NTN1: variants seen among roughly 807,000 people sequenced by gnomAD.
NTN1 encodes the protein netrin-1.
NTN1 carries 11 observed loss-of-function variants against 54.2 expected under a neutral mutation model. That is an observed-to-expected ratio of 0.20 (90% CI 0.13 to 0.34). The LOEUF is 0.34. NTN1 is among the 10% of genes least tolerant of loss of function. NTN1 has a pLI of 1.00. For synonymous variants in NTN1, 371 were observed against 382.0 expected, an observed-to-expected ratio of 0.97 and a Z score of 0.33; for missense variants, 740 against 893.1, an observed-to-expected ratio of 0.83 and a Z score of 2.18.
At chr17:9,153,442 CTG>C (rs1222148284) in intron 2 of NTN1, among the ~76,000 whole-genome samples, 2 of 152,146 alleles carry the variant, frequency 1.3e-5, no homozygotes, top group African/African-American at 2.4e-5. Context: ...GAACAAGACT[CTG>C]TCTCAAAATA....
intron 5 of NTN1, among the ~76,000 whole-genome samples, chr17:9,213,410 C>T (rs1905153446): frequency 6.6e-6 from 1 of 152,208 alleles, no homozygotes; most frequent in South Asian, 2.1e-4. Context: ...GAGAGCAGGG[C>T]AGCAGGGCGT....
chr17:9,050,913 C>T (rs901429131), intron 2 of NTN1, among the ~76,000 whole-genome samples: 4 of 152,170 alleles, frequency 2.6e-5, no homozygotes, highest in Non-Finnish European at 5.9e-5. Flanking sequence ...ATATTTTCTC[C>T]ATGAGTCAGC....
chr17:9,153,050 T>C lies in NTN1; in HGVS notation c.1019-9763T>C, dbSNP rs137936711. On this transcript the variant is annotated intron_variant, in intron 2 of 6. Transcript: ENST00000173229. ...TTGGGAGGCCTAGGAGGGTGGATCATCTGAGATCAGGAGTTCGAGACCAGC... is the reference window on the plus strand; with the variant it reads ...TTGGGAGGCCTAGGAGGGTGGATCACCTGAGATCAGGAGTTCGAGACCAGC... Among the ~76,000 whole-genome samples the C allele has an allele frequency of 2.6e-3, 399 of 152,212 alleles. 2 individuals are homozygous for C. Among genetic ancestry groups the C allele is most frequent in the African/African-American group, 9.1e-3 (377 of 41,530 alleles).
chr17:9,115,285 T>C lies in NTN1; in HGVS notation c.1019-47528T>C, dbSNP rs137869506. 1.3e-3 allele frequency among the ~76,000 whole-genome samples: 204 copies of C among 152,340 alleles called. 5 individuals are homozygous for C. The East Asian group carries it at 0.038, about 28-fold the overall frequency. On this transcript the variant is annotated intron_variant, in intron 2 of 6. Coordinates refer to ENST00000173229, the MANE Select transcript of NTN1 (RefSeq NM_004822.3). ...TGAGAGAGACTTTTGAGTTCAAGGA[T>C]GTTCAACTCTTTGGGGTGAGCAAAT...
the NTN1 span, among the ~76,000 whole-genome samples, chr17:9,016,351 C>T: frequency 2.6e-5 from 2 of 77,472 alleles, no homozygotes; most frequent in South Asian, 6.0e-4. Flanking sequence ...CAGCAGAAGT[C>T]CCCCTCTTAT....
intron 2 of NTN1, among the ~76,000 whole-genome samples, chr17:9,046,882 C>T (rs896748339): frequency 6.6e-6 from 1 of 152,096 alleles, no homozygotes; most frequent in Non-Finnish European, 1.5e-5. Context: ...CCTAGATACA[C>T]GAACACACCT....
rs530480581 is a variant in NTN1, at chr17:9,031,257, A to G, written c.1018+7866A>G. 3.9e-5 allele frequency among the ~76,000 whole-genome samples: 6 copies of G among 152,204 alleles called. No homozygotes were observed. The East Asian group carries it at 1.2e-3, about 29-fold the overall frequency. ...GGGCCTGTATGCTGTGCTGCATTCC[A>G]TATTTGAAGTCCCCAAGTGAGGGAC... On this transcript the variant is annotated intron_variant, in intron 2 of 6. Coordinates refer to ENST00000173229, the MANE Select transcript of NTN1 (RefSeq NM_004822.3).
chr17:9,226,460 G>A (rs62068241), intron 6 of NTN1, among the ~76,000 whole-genome samples: 5 of 37,154 alleles, frequency 1.3e-4, no homozygotes, highest in East Asian at 2.8e-3. Flanking sequence ...AGGCTGTCTC[G>A]TGGGGAGGCT....
intron 4 of NTN1, among the ~76,000 whole-genome samples, chr17:9,182,134 C>A (rs949615245): frequency 2.6e-5 from 4 of 152,156 alleles, no homozygotes; most frequent in Admixed American, 1.3e-4. Context: ...CGTGCCACCA[C>A]GCCTGGCTGA....
chr17:9,077,227 A>G (rs2092053626), intron 2 of NTN1, among the ~76,000 whole-genome samples: 1 of 152,190 alleles, frequency 6.6e-6, no homozygotes, highest in Admixed American at 6.5e-5. Flanking sequence ...AAAAAAAGGA[A>G]GAAAGGAACA....
At chr17:9,238,422 C>T (rs951191248) in intron 6 of NTN1, among the ~76,000 whole-genome samples, 9 of 151,978 alleles carry the variant, frequency 5.9e-5, no homozygotes, top group African/African-American at 1.9e-4. Context: ...GAAGACAGTG[C>T]GGGGCAGGGG....
At chr17:9,026,702 T>G (rs2091872346) in intron 2 of NTN1, among the ~76,000 whole-genome samples, 1 of 151,740 alleles carries the variant, frequency 6.6e-6, no homozygotes, top group Non-Finnish European at 1.5e-5. Flanking sequence ...ATATTGTGTT[T>G]CATAAATTAT....
In NTN1 at chr17:9,179,789, A is replaced by G. The variant is rs1567730645; in HGVS notation, c.1208-18A>G. 3 of 1,610,762 alleles carry G rather than the reference A, an allele frequency of 1.9e-6. No individual in the cohort carries two copies. Among genetic ancestry groups the G allele is most frequent in the Admixed American group, 1.7e-5 (1 of 59,688 alleles). ...CGCTTCCCCCTTGTCTGACCCTCCC[A>G]TTTTGTGTTCTCTGCAGCCTGTGAT... On this transcript the variant is annotated intron_variant, in intron 3 of 6. Transcript: ENST00000173229.
At chr17:9,236,484 C>T (rs1021028480) in intron 6 of NTN1, among the ~76,000 whole-genome samples, 1 of 152,240 alleles carries the variant, frequency 6.6e-6, no homozygotes, top group Non-Finnish European at 1.5e-5. Context: ...GGCCCATGCA[C>T]TGCATATGTA....
intron 2 of NTN1, among the ~76,000 whole-genome samples, chr17:9,091,454 CTT>C (rs56181757): frequency 8.1e-5 from 11 of 135,344 alleles, no homozygotes; most frequent in Admixed American, 1.5e-4. Context: ...AACCCCCCGC[CTT>C]TTTTTTTTTT....
intron 2 of NTN1, among the ~76,000 whole-genome samples, chr17:9,140,212 A>G (rs892090913): frequency 4.6e-5 from 7 of 152,160 alleles, no homozygotes; most frequent in Middle Eastern, 3.4e-3. Context: ...GGGTGGTGTG[A>G]GCTGTGTGTG....
intron 2 of NTN1, among the ~76,000 whole-genome samples, chr17:9,161,569 G>GC (rs1453403591): frequency 6.6e-6 from 1 of 152,108 alleles, no homozygotes; most frequent in Non-Finnish European, 1.5e-5. Flanking sequence ...CACAAGGTCA[G>GC]GAGTTCAAGA....
intron 2 of NTN1, among the ~76,000 whole-genome samples, chr17:9,150,449 GC>G (rs2092324054): frequency 2.0e-5 from 3 of 152,228 alleles, no homozygotes; most frequent in African/African-American, 7.2e-5. Context: ...GAGGGCCAGG[GC>G]TAAAGTCCCC....
At chr17:9,182,887 C>T (rs746643070) in intron 4 of NTN1, 29 bp from the exon 5 acceptor site, 1 of 1,612,554 alleles carries the variant, frequency 6.2e-7, no homozygotes, top group East Asian at 2.2e-5. Flanking sequence ...TTCTCTCCTC[C>T]CCTCGCCCCC....
Sources: allele counts gnomAD v4.1 joint callset (sites outside exome capture counted in the v4.1 genomes callset), GRCh38; gene constraint gnomAD v4.1.1; transcripts MANE v1.5; gene names NCBI Gene and HGNC (gene_info 2026-07-23, HGNC 2026-07-21).